The following ELAVL2 variants were observed in gnomAD, a reference collection of about 807,000 sequenced individuals.
ELAVL2 encodes ELAV-like protein 2.
ELAVL2 carries 4 observed loss-of-function variants against 34.6 expected under a neutral mutation model. That is an observed-to-expected ratio of 0.12 (90% CI 0.06 to 0.26). The LOEUF (loss-of-function observed/expected upper bound fraction) is 0.26, where lower values mean the gene tolerates loss of function less well. Ranked by LOEUF, ELAVL2 falls within the 10% of genes least tolerant of loss-of-function variation. The pLI is 1.00. For missense variants in ELAVL2, 432 were observed against 442.8 expected (o/e 0.98, Z 0.22); for synonymous variants, 193 against 154.8 (o/e 1.25, Z -1.83).
intron 1 of ELAVL2, among the ~76,000 whole-genome samples, chr9:23,799,005 T>C (rs2061286079): frequency 6.6e-6 from 1 of 152,126 alleles, no homozygotes; most frequent in Non-Finnish European, 1.5e-5. Flanking sequence ...CAAAATTTTC[T>C]CCCAGGTGGT....
At chr9:23,765,214 T>C (rs1436060242) in intron 1 of ELAVL2, 3 of 882,060 alleles carry the variant, frequency 3.4e-6, no homozygotes, top group Non-Finnish European at 3.4e-6. Context: ...CCATGCAGTG[T>C]GGCTTAATTG....
At chr9:23,836,760 A>G in the ELAVL2 span, among the ~76,000 whole-genome samples, 9 of 152,208 alleles carry the variant, frequency 5.9e-5, no homozygotes, top group Middle Eastern at 3.4e-3. Context: ...CAGCCTGTCT[A>G]TAATAGAGGA....
At chr9:23,765,997 T>C (rs1030679205) in intron 1 of ELAVL2, among the ~76,000 whole-genome samples, 5 of 152,308 alleles carry the variant, frequency 3.3e-5, no homozygotes, top group African/African-American at 1.2e-4. Flanking sequence ...TTGCCATATA[T>C]GCAGATGCTT....
chr9:23,792,767 C>T (rs1049864058), intron 1 of ELAVL2, among the ~76,000 whole-genome samples: 7 of 151,856 alleles, frequency 4.6e-5, no homozygotes, highest in African/African-American at 1.2e-4. Context: ...TTCCTTTTTT[C>T]ATATTTTTCT....
At chr9:23,783,455 G>A in intron 1 of ELAVL2, 1 of 985,354 alleles carries the variant, frequency 1.0e-6, no homozygotes, top group Non-Finnish European at 1.2e-6. Flanking sequence ...CAACTACAAA[G>A]TGGCCATGCA....
intron 1 of ELAVL2, among the ~76,000 whole-genome samples, chr9:23,767,419 G>A (rs2056503682): frequency 6.6e-6 from 1 of 152,104 alleles, no homozygotes; most frequent in Non-Finnish European, 1.5e-5. Flanking sequence ...TGCAAACTAA[G>A]GTAATCAGCT....
chr9:23,721,796 T>C (rs2043802776), intron 3 of ELAVL2, among the ~76,000 whole-genome samples: 1 of 152,222 alleles, frequency 6.6e-6, no homozygotes, highest in East Asian at 1.9e-4. Flanking sequence ...ACCTTATGAT[T>C]CTCTTAACCT....
intron 1 of ELAVL2, among the ~76,000 whole-genome samples, chr9:23,772,536 A>C (rs1299170989): frequency 4.3e-5 from 6 of 139,352 alleles, no homozygotes; most frequent in African/African-American, 1.1e-4. Context: ...GCTTACACCA[A>C]AAAAAAAAAA....
At chr9:23,822,780 G>A (rs1366485802) in intron 1 of ELAVL2, among the ~76,000 whole-genome samples, 1 of 152,232 alleles carries the variant, frequency 6.6e-6, no homozygotes, top group East Asian at 1.9e-4. Context: ...AATTGTAGGA[G>A]GTAAGAGAAA....
the ELAVL2 span, among the ~76,000 whole-genome samples, chr9:23,832,986 G>A: frequency 6.6e-6 from 1 of 151,972 alleles, no homozygotes; most frequent in Admixed American, 6.5e-5. Context: ...TATAGGTCAT[G>A]AAATCTCAAA....
At chr9:23,782,196 T>C (rs946992972) in intron 1 of ELAVL2, among the ~76,000 whole-genome samples, 4 of 152,212 alleles carry the variant, frequency 2.6e-5, no homozygotes, top group South Asian at 2.1e-4. Flanking sequence ...CAGCAGACGG[T>C]GATGTTTTAG....
intron 5 of ELAVL2, among the ~76,000 whole-genome samples, chr9:23,696,469 TTTTA>T (rs1380576485): frequency 9.9e-5 from 15 of 152,162 alleles, no homozygotes. Flanking sequence ...CATCTTTTTA[TTTTA>T]TTTATTTATT....
intron 1 of ELAVL2, among the ~76,000 whole-genome samples, chr9:23,763,114 A>G (rs564009460): frequency 1.8e-4 from 27 of 152,146 alleles, no homozygotes; most frequent in African/African-American, 3.4e-4. Context: ...CAATGTAAAT[A>G]TATCAACTTT....
At chr9:23,767,602 G>A (rs2056549275) in intron 1 of ELAVL2, among the ~76,000 whole-genome samples, 1 of 152,040 alleles carries the variant, frequency 6.6e-6, no homozygotes. Flanking sequence ...GCAACATGGT[G>A]AAACCCCACC....
At chr9:23,705,168 G>A in intron 3 of ELAVL2, 97 bp from the exon 4 acceptor site, 1 of 1,385,610 alleles carries the variant, frequency 7.2e-7, no homozygotes, top group African/African-American at 1.4e-5. Flanking sequence ...CCCATGAACA[G>A]CATAGAACAC....
intron 3 of ELAVL2, among the ~76,000 whole-genome samples, chr9:23,717,252 A>G (rs577964010): frequency 2.0e-5 from 3 of 152,232 alleles, no homozygotes; most frequent in Admixed American, 1.3e-4. Flanking sequence ...GCTTAGAGAA[A>G]CTTCATCTTG....
chr9:23,695,831 C>T (rs940958526), intron 5 of ELAVL2, among the ~76,000 whole-genome samples: 4 of 152,120 alleles, frequency 2.6e-5, no homozygotes, highest in African/African-American at 7.2e-5. Context: ...TATGGTACCA[C>T]GGTCGTACAT....
chr9:23,698,143 T>A (rs924870364), intron 5 of ELAVL2, among the ~76,000 whole-genome samples: 2 of 152,150 alleles, frequency 1.3e-5, no homozygotes, highest in Non-Finnish European at 2.9e-5. Context: ...ACACAGGTCA[T>A]TACACTAGAT....
At chr9:23,704,768 ATGAACAAT>A in intron 4 of ELAVL2, 142 bp downstream of exon 4, 11 of 990,686 alleles carry the variant, frequency 1.1e-5, no homozygotes, top group Non-Finnish European at 1.6e-5. Flanking sequence ...ATGCATATTT[ATGAACAAT>A]TCCAGCAGAA....
Sources: allele counts gnomAD v4.1 joint callset (sites outside exome capture counted in the v4.1 genomes callset), GRCh38; gene constraint gnomAD v4.1.1; transcripts MANE v1.5; gene names NCBI Gene and HGNC (gene_info 2026-07-23, HGNC 2026-07-21).